The following SPIDR variants were observed in gnomAD, a reference collection of about 807,000 sequenced individuals.
SPIDR encodes DNA repair-scaffolding protein.
Under a neutral mutation model 104.6 loss-of-function variants are expected in SPIDR, and 93 were observed. The observed-to-expected ratio is 0.89, with a 90% confidence interval of 0.75 to 1.06. The LOEUF is 1.06. SPIDR is among the 50% of genes least tolerant of loss of function. The pLI is 0.00. For missense variants in SPIDR, 1,154 were observed against 1,111.2 expected, an observed-to-expected ratio of 1.04 and a Z score of -0.55; for synonymous variants, 431 against 416.9, an observed-to-expected ratio of 1.03 and a Z score of -0.41.
intron 6 of SPIDR, among the ~76,000 whole-genome samples, chr8:47,405,824 G>T (rs565269267): frequency 1.3e-5 from 2 of 152,120 alleles, no homozygotes; most frequent in Admixed American, 6.6e-5. Context: ...ACTAGAAATA[G>T]GATTGTTGAT....
At chr8:47,369,839 G>A (rs1163246183) in intron 5 of SPIDR, among the ~76,000 whole-genome samples, 1 of 152,154 alleles carries the variant, frequency 6.6e-6, no homozygotes, top group Non-Finnish European at 1.5e-5. Flanking sequence ...TTATGGTCCA[G>A]TGCTGTTTTC....
chr8:47,279,835 T>C (rs1402025927), intron 1 of SPIDR, 27 bp from the exon 2 acceptor site: 7 of 1,575,088 alleles, frequency 4.4e-6, no homozygotes, highest in Non-Finnish European at 5.2e-6. Flanking sequence ...TTTGTTTCGA[T>C]TTTTCTTTTA....
chr8:47,294,092 A>AT (rs782054578), intron 5 of SPIDR, 62 bp downstream of exon 5: 31,217 of 1,040,312 alleles, frequency 0.03, 33 homozygotes, highest in South Asian at 0.097. Flanking sequence ...CATAGTTGTC[A>AT]TTTTTTTTTT....
At chr8:47,642,482 G>A (rs551611473) in intron 10 of SPIDR, among the ~76,000 whole-genome samples, 18 of 151,662 alleles carry the variant, frequency 1.2e-4, no homozygotes, top group South Asian at 4.2e-4. Flanking sequence ...GAGTGAACCC[G>A]CACTCTGAGG....
At chr8:47,478,393 G>A (rs1474958621) in intron 8 of SPIDR, among the ~76,000 whole-genome samples, 1 of 152,166 alleles carries the variant, frequency 6.6e-6, no homozygotes, top group African/African-American at 2.4e-5. Flanking sequence ...GTTTTAGGCT[G>A]CCATGACTGG....
At chr8:47,467,110 G>A (rs2074989055) in intron 8 of SPIDR, among the ~76,000 whole-genome samples, 1 of 151,974 alleles carries the variant, frequency 6.6e-6, no homozygotes, top group Non-Finnish European at 1.5e-5. Flanking sequence ...ACTAGAAAAT[G>A]TAGAGGGAAT....
At chr8:47,280,913 G>T (rs2037650183) in intron 2 of SPIDR, among the ~76,000 whole-genome samples, 1 of 152,178 alleles carries the variant, frequency 6.6e-6, no homozygotes, top group South Asian at 2.1e-4. Flanking sequence ...TACTAAGAAT[G>T]TTCTCAGAAG....
intron 10 of SPIDR, among the ~76,000 whole-genome samples, chr8:47,606,202 T>G (rs2062923258): frequency 6.6e-6 from 1 of 152,040 alleles, no homozygotes; most frequent in East Asian, 1.9e-4. Context: ...GGTTGGAAAT[T>G]TTTTTACTTT....
chr8:47,456,393 AT>A (rs1274017517), intron 8 of SPIDR, among the ~76,000 whole-genome samples: 2 of 152,288 alleles, frequency 1.3e-5, no homozygotes, highest in African/African-American at 4.8e-5. Context: ...GAGACAATAC[AT>A]TTTGGCTAAG....
chr8:47,531,825 T>G (rs1051065402), intron 8 of SPIDR, among the ~76,000 whole-genome samples: 13 of 152,298 alleles, frequency 8.5e-5, no homozygotes, highest in African/African-American at 3.1e-4. Flanking sequence ...TGCCATTTAC[T>G]GAACCACCAT....
chr8:47,577,300 G>A (rs1382941205), intron 8 of SPIDR, among the ~76,000 whole-genome samples: 1 of 152,202 alleles, frequency 6.6e-6, no homozygotes, highest in African/African-American at 2.4e-5. Flanking sequence ...CTGATGTCAT[G>A]GAACACCAAG....
At chr8:47,445,870 C>T (rs1294819130) in intron 8 of SPIDR, among the ~76,000 whole-genome samples, 3 of 152,168 alleles carry the variant, frequency 2.0e-5, no homozygotes. Flanking sequence ...TAACCTTCTA[C>T]AATTCTTTGA....
At chr8:47,451,415 C>G (rs1323759972) in intron 8 of SPIDR, among the ~76,000 whole-genome samples, 1 of 151,946 alleles carries the variant, frequency 6.6e-6, no homozygotes, top group Admixed American at 6.6e-5. Flanking sequence ...AACCCCATCT[C>G]TATAAAAAAT....
intron 8 of SPIDR, chr8:47,592,457 C>T (rs1245427734): frequency 1.7e-5 from 24 of 1,440,394 alleles, no homozygotes; most frequent in Non-Finnish European, 2.2e-5. Flanking sequence ...TTAAAAGTCC[C>T]TCCCTCAAAG....
At chr8:47,520,842 T>C (rs2083952000) in intron 8 of SPIDR, among the ~76,000 whole-genome samples, 1 of 152,168 alleles carries the variant, frequency 6.6e-6, no homozygotes, top group Non-Finnish European at 1.5e-5. Context: ...AAAGTAGGGT[T>C]TGCTGATGGC....
intron 11 of SPIDR, among the ~76,000 whole-genome samples, chr8:47,685,669 C>G (rs555619514): frequency 6.6e-6 from 1 of 151,850 alleles, no homozygotes; most frequent in South Asian, 2.1e-4. Flanking sequence ...ATTCTCCTGT[C>G]TCAACCTCCC....
intron 8 of SPIDR, among the ~76,000 whole-genome samples, chr8:47,503,056 A>G (rs1373109635): frequency 6.6e-6 from 1 of 152,178 alleles, no homozygotes; most frequent in Non-Finnish European, 1.5e-5. Context: ...TTTACTTCCA[A>G]CTATGTGGTC....
chr8:47,658,738 C>A (rs181070950), intron 10 of SPIDR, among the ~76,000 whole-genome samples: 1 of 152,058 alleles, frequency 6.6e-6, no homozygotes, highest in Non-Finnish European at 1.5e-5. Context: ...AGTTCGAGAC[C>A]AGCCTGGCCA....
At chr8:47,557,044 A>G (rs2091410182) in intron 8 of SPIDR, among the ~76,000 whole-genome samples, 1 of 152,196 alleles carries the variant, frequency 6.6e-6, no homozygotes, top group African/African-American at 2.4e-5. Flanking sequence ...GCATTTTCCC[A>G]GAGAGCAGCA....
Sources: allele counts gnomAD v4.1 joint callset (sites outside exome capture counted in the v4.1 genomes callset), GRCh38; gene constraint gnomAD v4.1.1; transcripts MANE v1.5; gene names NCBI Gene and HGNC (gene_info 2026-07-23, HGNC 2026-07-21).